The following AP5S1 variants were observed in gnomAD, a reference collection of about 807,000 sequenced individuals.
AP5S1 encodes the protein AP-5 complex subunit sigma-1.
Under a neutral mutation model 13.9 loss-of-function variants are expected in AP5S1, and 13 were observed. That is an observed-to-expected ratio of 0.94 (90% CI 0.61 to 1.49). AP5S1 has a LOEUF of 1.49. Among genes scored for constraint, AP5S1 ranks in the 40% most tolerant of loss-of-function variants. The pLI, the probability that AP5S1 is intolerant of heterozygous loss-of-function variation, is 0.00. For synonymous variants in AP5S1, 132 were observed against 121.8 expected, an observed-to-expected ratio of 1.08 and a Z score of -0.55; for missense variants, 292 against 272.3, an observed-to-expected ratio of 1.07 and a Z score of -0.51.
intron 2 of AP5S1, 31 bp from the exon 3 acceptor site, chr20:3,823,840 C>A: frequency 6.3e-7 from 1 of 1,575,542 alleles, no homozygotes; most frequent in Non-Finnish European, 8.6e-7. Flanking sequence ...GGTGTGTGAG[C>A]CCACCAGCCT....
chr20:3,823,712 C>T, intron 2 of AP5S1, 159 bp from the exon 3 acceptor site: 2 of 985,438 alleles, frequency 2.0e-6, no homozygotes, highest in Non-Finnish European at 2.4e-6. Flanking sequence ...GCTCACACTT[C>T]CTGATTCTGT....
rs369540947 is a variant in AP5S1, at chr20:3,822,082, T to A, written c.-16-20T>A. On this transcript the variant is annotated intron_variant, in intron 1 of 2. Coordinates refer to ENST00000615891, the MANE Select transcript of AP5S1 (RefSeq NM_018347.3). ...CTGGGGTTCACTCTCACCTTACCAA[T>A]GTCTCTGGCTTCCCTGTAGCACCCA... is the stretch of plus-strand genomic sequence containing the variant. 81 of 1,605,152 alleles carry A rather than the reference T, an allele frequency of 5.0e-5. 1 individual carries two copies. Among genetic ancestry groups the A allele is most frequent in the Admixed American group, 4.5e-4 (27 of 59,774 alleles).
At position 3,824,708 on chromosome 20, in the gene AP5S1, G is replaced by C; in HGVS notation, c.*411G>C. ...AGCACTTTGCGGGGCTGAGGTGGTTGGACCACCTCAGGTCGGGAGTTCAAG... is the reference window on the plus strand; with the variant it reads ...AGCACTTTGCGGGGCTGAGGTGGTTCGACCACCTCAGGTCGGGAGTTCAAG... On this transcript the variant is annotated 3_prime_UTR_variant, in exon 3 of 3. Coordinates refer to ENST00000615891, the MANE Select transcript of AP5S1 (RefSeq NM_018347.3). 1 of 181,174 alleles carries C rather than the reference G, an allele frequency of 5.5e-6. No homozygotes were observed. 11.2% of individuals were successfully genotyped at this position (181,174 alleles called of 1,614,324 possible).
chr20:3,820,601 G>T lies in AP5S1; in HGVS notation c.-174G>T, dbSNP rs2089570760. 1 of 152,220 alleles carries T rather than the reference G, an allele frequency of 6.6e-6. No individual in the cohort carries two copies. The highest frequency in any genetic ancestry group is 2.1e-4 in the South Asian group (1 of 4,838). The allele number at this position is 152,220 out of a possible 1,614,324, so 9.4% of individuals were successfully genotyped here. On this transcript the variant is annotated 5_prime_UTR_variant, in exon 1 of 3. Transcript: ENST00000615891. ...GGGAGCGCTTGGTGGCAGTCCGCGG[G>T]CCCGGACGGAAGGCTGAGGCGACGC...
At chr20:3,822,489 T>C (rs1568522547) in intron 2 of AP5S1, among the ~76,000 whole-genome samples, 196 bp downstream of exon 2, 1 of 152,228 alleles carries the variant, frequency 6.6e-6, no homozygotes, top group Non-Finnish European at 1.5e-5. Flanking sequence ...ATAATTCTGT[T>C]ATCATTATTA....
rs1458510251 is a variant in AP5S1, at chr20:3,825,911, G to A, written c.*1614G>A. 1 of 137,806 alleles carries A rather than the reference G, an allele frequency of 7.3e-6. No homozygotes were observed. Among genetic ancestry groups the A allele is most frequent in the Non-Finnish European group, 1.5e-5 (1 of 66,260 alleles). 8.5% of individuals were successfully genotyped at this position (137,806 alleles called of 1,614,324 possible). A position where few individuals can be genotyped will look rare whatever the true frequency, so the allele number is the denominator to read the frequency against. On this transcript the variant is annotated 3_prime_UTR_variant, in exon 3 of 3. Coordinates refer to ENST00000615891, the MANE Select transcript of AP5S1 (RefSeq NM_018347.3). ...ATGGGTGGGGTACCAAAAGTCGGTGGTTAGGAGGTCTTCAATCAGCAGCTT... is the reference window on the plus strand; with the variant it reads ...ATGGGTGGGGTACCAAAAGTCGGTGATTAGGAGGTCTTCAATCAGCAGCTT...
Position 3,824,009 on chromosome 20 carries a change from T to C in AP5S1, c.315T>C (p.Pro105=), listed in dbSNP as rs2089605019. Residue 105 remains proline, a synonymous_variant, in exon 3 of 3, where the codon CCT becomes CCC. Transcript: ENST00000615891. ...CTTTCCGCCTGGCAGCAGAGAACCC[T>C]TTCCAGGAGCCACGGACGGTGGTGT... ...RGAFRLAAEN[P]FQEPRTVVWL... 6.2e-7 allele frequency: 1 copy of C among 1,613,510 alleles called. No individual in the cohort carries two copies. The highest frequency in any genetic ancestry group is 2.2e-5 in the East Asian group (1 of 44,878).
rs1600428673 is a variant in AP5S1 at position 3,826,422 on chromosome 20, A to T, written c.*2125A>T. ...CACCCCAGGCTGGCGGTCCTGGTGGATTGGCTGTGTTCTCAGGGAACAGGC... is the reference window on the plus strand; with the variant it reads ...CACCCCAGGCTGGCGGTCCTGGTGGTTTGGCTGTGTTCTCAGGGAACAGGC... On this transcript the variant is annotated 3_prime_UTR_variant, in exon 3 of 3. Coordinates refer to ENST00000615891, the MANE Select transcript of AP5S1 (RefSeq NM_018347.3). 1 of 152,292 alleles carries T rather than the reference A, an allele frequency of 6.6e-6. No homozygotes were observed. Among genetic ancestry groups the T allele is most frequent in the South Asian group, 2.1e-4 (1 of 4,822 alleles). The allele number at this position is 152,292 out of a possible 1,614,324, so 9.4% of individuals were successfully genotyped here.
chr20:3,822,205 G>C lies in AP5S1; in HGVS notation c.88G>C (p.Gly30Arg). The change falls in exon 2 of 3, where the codon GGT (glycine) becomes CGT (arginine). Residue 30 changes from glycine (G) to arginine (R), a missense_variant. Physicochemically the swap from Gly to Arg is moderately radical, Grantham distance 125. Transcript: ENST00000615891. Reference sequence around the variant, plus strand: ...CCGAGTGCTGTACTCCTGCGTCTTCGGTGCTGAGAAGTCACCTGATGACCC... The same window carrying C: ...CCGAGTGCTGTACTCCTGCGTCTTCCGTGCTGAGAAGTCACCTGATGACCC... ...LCRVLYSCVF[G>R]AEKSPDDPRP... The C allele has an allele frequency of 6.2e-7, 1 of 1,614,122 alleles. No homozygotes were observed. The highest frequency in any genetic ancestry group is 1.1e-5 in the South Asian group (1 of 91,088).
chr20:3,824,013 C>T lies in AP5S1; in HGVS notation c.319C>T (p.Gln107Ter), dbSNP rs1346364261. The change falls in exon 3 of 3, where the codon CAG (glutamine) becomes TAG (stop). Residue 107 changes from glutamine (Q) to a stop codon, truncating the protein, a stop_gained. Transcript: ENST00000615891. LOFTEE classifies it high-confidence loss of function. ...CCGCCTGGCAGCAGAGAACCCTTTC[C>T]AGGAGCCACGGACGGTGGTGTGGCT... ...AFRLAAENPF[Q>*]EPRTVVWLGV... 2.5e-6 allele frequency: 4 copies of T among 1,613,506 alleles called. No individual in the cohort carries two copies. In the African/African-American group the frequency reaches 5.3e-5, roughly 22 times the overall value.
chr20:3,828,450 C>T lies in AP5S1; in HGVS notation c.*4153C>T, dbSNP rs954227032. 6.6e-6 allele frequency: 1 copy of T among 152,194 alleles called. No individual in the cohort carries two copies. The highest frequency in any genetic ancestry group is 2.4e-5 in the African/African-American group (1 of 41,446). The allele number at this position is 152,194 out of a possible 1,614,324, so 9.4% of individuals were successfully genotyped here. ...CATTCTATAGGTTTGGATGTATTTTCAGTGACATGCATCTACCATTATAGT... is the reference window on the plus strand; with the variant it reads ...CATTCTATAGGTTTGGATGTATTTTTAGTGACATGCATCTACCATTATAGT... On this transcript the variant is annotated 3_prime_UTR_variant, in exon 3 of 3. Transcript: ENST00000615891.
intron 2 of AP5S1, chr20:3,823,556 G>A (rs2089600168): frequency 3.0e-6 from 3 of 985,336 alleles, no homozygotes; most frequent in Non-Finnish European, 3.6e-6. Flanking sequence ...TGGCCAAGCC[G>A]CTTCCCTTTC....
At chr20:3,821,875 TTTC>T (rs2089584603) in intron 1 of AP5S1, 3 of 960,798 alleles carry the variant, frequency 3.1e-6, no homozygotes, top group Non-Finnish European at 3.7e-6. Flanking sequence ...GTTTTTCTTT[TTTC>T]TTTTTTTTTT....
At position 3,826,436 on chromosome 20, in the gene AP5S1, C is replaced by T. The variant is rs757512841; in HGVS notation, c.*2139C>T. The T allele has an allele frequency of 1.3e-5, 2 of 152,252 alleles. No individual in the cohort carries two copies. The highest frequency in any genetic ancestry group is 2.9e-5 in the Non-Finnish European group (2 of 68,088). 9.4% of individuals were successfully genotyped at this position (152,252 alleles called of 1,614,324 possible). Reference sequence around the variant, plus strand: ...GGTCCTGGTGGATTGGCTGTGTTCTCAGGGAACAGGCCATTTTGTCCTCTA... The same window carrying T: ...GGTCCTGGTGGATTGGCTGTGTTCTTAGGGAACAGGCCATTTTGTCCTCTA... On this transcript the variant is annotated 3_prime_UTR_variant, in exon 3 of 3. Coordinates refer to ENST00000615891, the MANE Select transcript of AP5S1 (RefSeq NM_018347.3).
In AP5S1 at chr20:3,827,763, C is replaced by CTTTTTTT. The variant is rs570370452; in HGVS notation, c.*3476_*3482dup. 2 of 136,794 alleles carry CTTTTTTT rather than the reference C, an allele frequency of 1.5e-5. No homozygotes were observed. Among genetic ancestry groups the CTTTTTTT allele is most frequent in the African/African-American group, 2.7e-5 (1 of 37,044 alleles). The allele number at this position is 136,794 out of a possible 1,614,324, so 8.5% of individuals were successfully genotyped here. A position where few individuals can be genotyped will look rare whatever the true frequency, so the allele number is the denominator to read the frequency against. On this transcript the variant is annotated 3_prime_UTR_variant, in exon 3 of 3. Transcript: ENST00000615891. The stretch of plus-strand genomic sequence containing the variant: ...GGGCTCAATGTTTTCTTTTCTTTTT[C>CTTTTTTT]TTTTTTTTTTTTTTTTGAGATGGAG...
In AP5S1 at chr20:3,826,474, A is replaced by G. The variant is rs1431443671; in HGVS notation, c.*2177A>G. On this transcript the variant is annotated 3_prime_UTR_variant, in exon 3 of 3. Transcript: ENST00000615891. ...ATTTTGTCCTCTATGGAAAGGCTCA[A>G]GCTTACTGATCTGAATTCTTTCTGC... is the stretch of plus-strand genomic sequence containing the variant. The G allele has an allele frequency of 1.3e-5, 2 of 152,182 alleles. No homozygotes were observed. Among genetic ancestry groups the G allele is most frequent in the South Asian group, 2.1e-4 (1 of 4,824 alleles). 9.4% of individuals were successfully genotyped at this position (152,182 alleles called of 1,614,324 possible).
chr20:3,823,771 G>C (rs2089601622), intron 2 of AP5S1, 100 bp from the exon 3 acceptor site: 3 of 1,520,774 alleles, frequency 2.0e-6, no homozygotes, highest in South Asian at 2.6e-5. Flanking sequence ...TTTCTCACTT[G>C]AGATATGGGG....
chr20:3,823,719 C>T, intron 2 of AP5S1, 152 bp from the exon 3 acceptor site: 4 of 1,457,576 alleles, frequency 2.7e-6, no homozygotes, highest in Non-Finnish European at 3.6e-6. Flanking sequence ...CTTCCTGATT[C>T]TGTGGCCCTG....
chr20:3,823,801 C>T lies in AP5S1; in HGVS notation c.177-70C>T, dbSNP rs968874536. On this transcript the variant is annotated intron_variant, in intron 2 of 2. Transcript: ENST00000615891. Reference sequence around the variant, plus strand: ...ATGGGGATGATGGTAGCTCCCAGCACCAGGGTTGATCATGAGGATGACAGA... The same window carrying T: ...ATGGGGATGATGGTAGCTCCCAGCATCAGGGTTGATCATGAGGATGACAGA... 13 of 1,545,640 alleles carry T rather than the reference C, an allele frequency of 8.4e-6. No homozygotes were observed. The African/African-American group carries it at 1.5e-4, about 18-fold the overall frequency.
Sources: allele counts gnomAD v4.1 joint callset (sites outside exome capture counted in the v4.1 genomes callset), GRCh38; gene constraint gnomAD v4.1.1; transcripts MANE v1.5; gene names NCBI Gene and HGNC (gene_info 2026-07-23, HGNC 2026-07-21).